The following PCSK5 variants were observed in gnomAD, a reference collection of about 807,000 sequenced individuals.
PCSK5 encodes proprotein convertase subtilisin/kexin type 5, also known as prohormone convertase 5.
Under a neutral mutation model 233.2 loss-of-function variants are expected in PCSK5, and 129 were observed. That is an observed-to-expected ratio of 0.55 (90% CI 0.48 to 0.64). The LOEUF is 0.64. PCSK5 is among the 30% of genes least tolerant of loss of function. The pLI is 0.00. For synonymous variants in PCSK5, 825 were observed against 879.2 expected, an observed-to-expected ratio of 0.94 and a Z score of 1.09; for missense variants, 2,076 against 2,430.1, an observed-to-expected ratio of 0.85 and a Z score of 3.06.
intron 24 of PCSK5, among the ~76,000 whole-genome samples, chr9:76,246,563 C>T (rs891979043): frequency 6.6e-6 from 1 of 152,118 alleles, no homozygotes; most frequent in Non-Finnish European, 1.5e-5. Context: ...GACCCCACAA[C>T]ACCCCTTCTA....
At chr9:75,913,787 T>C (rs1280256402) in intron 1 of PCSK5, among the ~76,000 whole-genome samples, 2 of 152,198 alleles carry the variant, frequency 1.3e-5, no homozygotes, top group South Asian at 4.2e-4. Flanking sequence ...AAGTTACAGA[T>C]TTTGGCATTC....
intron 2 of PCSK5, among the ~76,000 whole-genome samples, chr9:75,973,347 A>G (rs1825881102): frequency 6.6e-6 from 1 of 152,142 alleles, no homozygotes; most frequent in Non-Finnish European, 1.5e-5. Flanking sequence ...TGTAAATGAC[A>G]TAGGATTATT....
At chr9:75,980,433 A>G (rs1235537495) in intron 2 of PCSK5, among the ~76,000 whole-genome samples, 2 of 152,170 alleles carry the variant, frequency 1.3e-5, no homozygotes, top group Non-Finnish European at 2.9e-5. Flanking sequence ...ATGATTCTTC[A>G]CATTCATGAC....
chr9:76,326,734 C>G (rs1166071301), intron 32 of PCSK5, among the ~76,000 whole-genome samples: 9 of 152,200 alleles, frequency 5.9e-5, no homozygotes. Context: ...GTCTGGGGAA[C>G]AGCAGGGAGT....
chr9:76,101,107 G>A (rs919710046), intron 8 of PCSK5, among the ~76,000 whole-genome samples: 1 of 152,104 alleles, frequency 6.6e-6, no homozygotes, highest in Non-Finnish European at 1.5e-5. Context: ...TCACCTGGTA[G>A]TACATATTTT....
At chr9:76,015,609 C>T (rs1827915806) in intron 3 of PCSK5, among the ~76,000 whole-genome samples, 1 of 152,098 alleles carries the variant, frequency 6.6e-6, no homozygotes, top group Non-Finnish European at 1.5e-5. Flanking sequence ...AGCAGAAAAA[C>T]ACTGGGTTTT....
At chr9:76,046,525 A>G (rs1829403376) in intron 5 of PCSK5, among the ~76,000 whole-genome samples, 1 of 146,244 alleles carries the variant, frequency 6.8e-6, no homozygotes, top group Non-Finnish European at 1.5e-5. Context: ...GTGAGAAGGA[A>G]TACAACTCTA....
rs527311722 is a variant in PCSK5 at position 76,315,000 on chromosome 9, G to T, written c.3884+4149G>T. Among the ~76,000 whole-genome samples, 130 of 145,236 alleles carry T rather than the reference G, an allele frequency of 9.0e-4. 1 individual carries two copies. Among genetic ancestry groups the T allele is most frequent in the African/African-American group, 3.2e-3 (125 of 38,950 alleles). On this transcript the variant is annotated intron_variant, in intron 30 of 37. Coordinates refer to ENST00000674117, the MANE Select transcript of PCSK5 (RefSeq NM_001372043.1). ...TCTGAGATGGAGTTTCACTCTTGTTGCCCAGGCAATGGCGCCATCTCAGCT... is the reference window on the plus strand; with the variant it reads ...TCTGAGATGGAGTTTCACTCTTGTTTCCCAGGCAATGGCGCCATCTCAGCT...
At chr9:76,118,323 A>G (rs1832509470) in intron 9 of PCSK5, among the ~76,000 whole-genome samples, 1 of 150,160 alleles carries the variant, frequency 6.7e-6, no homozygotes, top group Non-Finnish European at 1.5e-5. Context: ...ATTTTAAAAA[A>G]TAATTTTAAA....
chr9:76,091,540 G>C (rs1163872531), intron 7 of PCSK5, among the ~76,000 whole-genome samples: 1 of 152,136 alleles, frequency 6.6e-6, no homozygotes, highest in African/African-American at 2.4e-5. Flanking sequence ...GACTGTTCTG[G>C]TGTCTTCTAG....
At chr9:76,273,062 T>A (rs2131375742) in intron 24 of PCSK5, among the ~76,000 whole-genome samples, 1 of 152,244 alleles carries the variant, frequency 6.6e-6, no homozygotes, top group South Asian at 2.1e-4. Flanking sequence ...CAAGGGGAAC[T>A]GAATAAATCC....
chr9:76,258,621 G>A (rs1159611248), intron 24 of PCSK5, among the ~76,000 whole-genome samples: 1 of 152,164 alleles, frequency 6.6e-6, no homozygotes. Context: ...AGGGTCTGTG[G>A]GAGGTAAGTC....
chr9:75,947,766 G>T (rs1479476899), intron 2 of PCSK5, among the ~76,000 whole-genome samples: 1 of 152,150 alleles, frequency 6.6e-6, no homozygotes, highest in Non-Finnish European at 1.5e-5. Flanking sequence ...CTTACATGGG[G>T]AAAACTGAAG....
intron 2 of PCSK5, among the ~76,000 whole-genome samples, chr9:75,979,247 A>G (rs965351567): frequency 1.3e-5 from 2 of 151,958 alleles, no homozygotes; most frequent in Non-Finnish European, 2.9e-5. Context: ...GAAAAGACAG[A>G]TGTTCATCAA....
At chr9:76,048,197 T>G (rs999868442) in intron 5 of PCSK5, among the ~76,000 whole-genome samples, 6 of 152,208 alleles carry the variant, frequency 3.9e-5, no homozygotes. Flanking sequence ...AGGAAATCAG[T>G]TTGCTTGATT....
At chr9:76,136,393 T>C (rs1348398345) in intron 10 of PCSK5, among the ~76,000 whole-genome samples, 1 of 151,930 alleles carries the variant, frequency 6.6e-6, no homozygotes, top group Non-Finnish European at 1.5e-5. Context: ...TTTTATGAAA[T>C]AACATCTGAA....
chr9:76,050,302 A>G (rs939927472), intron 5 of PCSK5, among the ~76,000 whole-genome samples: 5 of 152,212 alleles, frequency 3.3e-5, no homozygotes, highest in African/African-American at 1.2e-4. Context: ...TTGCTTTGCT[A>G]CTTCAGAAAT....
intron 1 of PCSK5, among the ~76,000 whole-genome samples, chr9:75,916,206 A>G (rs531141045): frequency 1.6e-4 from 24 of 152,316 alleles, no homozygotes; most frequent in South Asian, 8.3e-4. Flanking sequence ...ACGAATATGT[A>G]CTTTAGCATT....
chr9:76,288,548 T>C (rs1268907125), intron 24 of PCSK5, among the ~76,000 whole-genome samples: 3 of 152,208 alleles, frequency 2.0e-5, no homozygotes, highest in Non-Finnish European at 4.4e-5. Context: ...ATCAGGGGTT[T>C]GATACCAGCC....
Sources: gnomAD v4.1 joint callset for allele counts (sites outside exome capture counted in the v4.1 genomes callset) on GRCh38, gnomAD v4.1.1 for gene constraint, MANE v1.5 for transcripts, NCBI Gene and HGNC (gene_info 2026-07-23, HGNC 2026-07-21) for gene names.